The following TTC7B variants were observed in gnomAD, a reference collection of about 807,000 sequenced individuals.
The protein encoded by TTC7B is tetratricopeptide repeat protein 7B.
A neutral mutation model predicts 106.8 loss-of-function variants in TTC7B; 28 were observed. The observed-to-expected ratio is 0.26, with a 90% CI of 0.19 to 0.36. TTC7B has a LOEUF of 0.36. Among genes scored for constraint, TTC7B ranks in the 10% least tolerant of loss-of-function variants. TTC7B has a pLI of 1.00. For synonymous variants in TTC7B, 405 were observed against 430.6 expected, an observed-to-expected ratio of 0.94 and a Z score of 0.74; for missense variants, 862 against 1,076.4, an observed-to-expected ratio of 0.80 and a Z score of 2.79.
chr14:90,693,102 G>T (rs1486340657), intron 6 of TTC7B, among the ~76,000 whole-genome samples: 1 of 152,124 alleles, frequency 6.6e-6, no homozygotes, highest in Middle Eastern at 3.4e-3. Context: ...ATCTCCTACA[G>T]CATTTAAAGG....
intron 17 of TTC7B, among the ~76,000 whole-genome samples, chr14:90,601,487 G>A (rs973257345): frequency 4.6e-5 from 7 of 151,998 alleles, no homozygotes; most frequent in African/African-American, 9.7e-5. Flanking sequence ...CTCTTCTCCC[G>A]GTGAATTACT....
At chr14:90,797,649 T>C (rs2029964901) in intron 1 of TTC7B, among the ~76,000 whole-genome samples, 1 of 151,996 alleles carries the variant, frequency 6.6e-6, no homozygotes, top group African/African-American at 2.4e-5. Context: ...CAGGGGGCAA[T>C]GTAGCAATTT....
rs1347875873 is a variant in TTC7B, at chr14:90,603,190, G to A, written c.1966+7552C>T. 11 of 1,097,286 alleles carry A rather than the reference G, an allele frequency of 1.0e-5. No homozygotes were observed. The East Asian group carries it at 1.8e-4, about 18-fold the overall frequency. 68.0% of individuals were successfully genotyped at this position (1,097,286 alleles called of 1,614,324 possible). ...ACTCAACAACCACAATGCACATTCC[G>A]TGGTGGGGGGAGTGTGATTCTGGAG... On this transcript the variant is annotated intron_variant, in intron 17 of 19. Transcript: ENST00000328459.
At position 90,525,508 on chromosome 14, in the gene TTC7B, G is replaced by C. The variant is rs1030016846; in HGVS notation, c.*15860C>G. 1 of 146,582 alleles carries C rather than the reference G, an allele frequency of 6.8e-6. No homozygotes were observed. The highest frequency in any genetic ancestry group is 1.5e-5 in the Non-Finnish European group (1 of 66,008). The allele number at this position is 146,582 out of a possible 1,614,324, so 9.1% of individuals were successfully genotyped here. On this transcript the variant is annotated 3_prime_UTR_variant, in exon 20 of 20. Transcript: ENST00000328459. ...CCGCTTTCGCCCTGCGGCCCGGCTC[G>C]GTAGCCTGATCAGTCGCGTTCCCGG...
Position 90,597,295 on chromosome 14 carries a change from G to A in TTC7B, c.1967-3669C>T, listed in dbSNP as rs138745453. 8.1e-4 allele frequency among the ~76,000 whole-genome samples: 123 copies of A among 152,216 alleles called. 1 individual carries two copies. The highest frequency in any genetic ancestry group is 2.8e-3 in the African/African-American group (115 of 41,528). ...ACACAACAAATAAAAGTCTTCCATT[G>A]AATTAGTATTGGAAGGAGGGGGAAG... On this transcript the variant is annotated intron_variant, in intron 17 of 19. Transcript: ENST00000328459.
At chr14:90,760,935 C>T (rs1404138528) in intron 3 of TTC7B, among the ~76,000 whole-genome samples, 1 of 152,232 alleles carries the variant, frequency 6.6e-6, no homozygotes, top group Non-Finnish European at 1.5e-5. Flanking sequence ...CCATGTTCAA[C>T]CAATCCAGTA....
intron 3 of TTC7B, among the ~76,000 whole-genome samples, chr14:90,767,603 A>G (rs964568390): frequency 1.8e-4 from 28 of 152,156 alleles, no homozygotes; most frequent in African/African-American, 6.3e-4. Flanking sequence ...AGATGCTAGA[A>G]CCTTCATATT....
In TTC7B at chr14:90,533,127, C is replaced by G. The variant is rs756552605; in HGVS notation, c.*8241G>C. The G allele has an allele frequency of 1.3e-5, 2 of 152,452 alleles. No individual in the cohort carries two copies. The highest frequency in any genetic ancestry group is 4.8e-5 in the African/African-American group (2 of 41,440). 9.4% of individuals were successfully genotyped at this position (152,452 alleles called of 1,614,324 possible). On this transcript the variant is annotated 3_prime_UTR_variant, in exon 20 of 20. Coordinates refer to ENST00000328459, the MANE Select transcript of TTC7B (RefSeq NM_001010854.2). ...AGGTGGCCAGGTCCCGATGCAGGCT[C>G]CAGCCCAGCAGGCCCACAACCCGAG...
intron 4 of TTC7B, among the ~76,000 whole-genome samples, chr14:90,731,015 A>G (rs1889304292): frequency 6.6e-6 from 1 of 152,040 alleles, no homozygotes. Flanking sequence ...GCACAATCTC[A>G]GCTCACTGCA....
At chr14:90,774,282 A>C (rs1464079472) in intron 3 of TTC7B, among the ~76,000 whole-genome samples, 1 of 152,202 alleles carries the variant, frequency 6.6e-6, no homozygotes, top group African/African-American at 2.4e-5. Flanking sequence ...GAGAGGAAGA[A>C]TCCATGTCTT....
chr14:90,594,379 AGT>A (rs1287512643), intron 17 of TTC7B, among the ~76,000 whole-genome samples: 4 of 151,984 alleles, frequency 2.6e-5, no homozygotes, highest in African/African-American at 9.7e-5. Context: ...GGGTTGGGGG[AGT>A]GCACAAGTCA....
chr14:90,593,831 A>C (rs1222958167), intron 17 of TTC7B: 10 of 460,422 alleles, frequency 2.2e-5, no homozygotes, highest in Non-Finnish European at 3.4e-5. Context: ...TTTTGTCAAC[A>C]AACAGAGCAC....
At chr14:90,667,268 A>G (rs569039573) in intron 9 of TTC7B, among the ~76,000 whole-genome samples, 8 of 152,272 alleles carry the variant, frequency 5.3e-5, no homozygotes, top group South Asian at 2.1e-4. Context: ...TCTTTTGGAG[A>G]TCCTTTAAGG....
At chr14:90,724,066 AC>A (rs747487847) in intron 5 of TTC7B, among the ~76,000 whole-genome samples, 1 of 152,172 alleles carries the variant, frequency 6.6e-6, no homozygotes, top group Non-Finnish European at 1.5e-5. Context: ...TCCACACTCT[AC>A]CAACCACTGG....
At position 90,644,271 on chromosome 14, in the gene TTC7B, ACACACACACG is replaced by A. The variant is rs774371261; in HGVS notation, c.1591-73_1591-64del. Reference sequence around the variant, plus strand: ...CACATGCACACGCACACACACACACACACACACACGCGCGAAAGAAGCCATCTTTTCAATG... The same window carrying A: ...CACATGCACACGCACACACACACACACGCGAAAGAAGCCATCTTTTCAATG... On this transcript the variant is annotated intron_variant, in intron 14 of 19. Coordinates refer to ENST00000328459, the MANE Select transcript of TTC7B (RefSeq NM_001010854.2). The A allele has an allele frequency of 3.4e-3, 4,507 of 1,320,932 alleles. 13 individuals carry two copies. Among genetic ancestry groups the A allele is most frequent in the Admixed American group, 6.2e-3 (222 of 35,902 alleles). 81.8% of individuals were successfully genotyped at this position (1,320,932 alleles called of 1,614,324 possible).
intron 17 of TTC7B, among the ~76,000 whole-genome samples, chr14:90,609,488 C>T (rs1160279734): frequency 6.6e-6 from 1 of 152,180 alleles, no homozygotes; most frequent in Non-Finnish European, 1.5e-5. Context: ...AGGCCCTATC[C>T]CTTTTAGCCC....
intron 1 of TTC7B, among the ~76,000 whole-genome samples, chr14:90,795,133 G>T (rs981303713): frequency 6.6e-6 from 1 of 151,906 alleles, no homozygotes; most frequent in Non-Finnish European, 1.5e-5. Context: ...TATAAAACAA[G>T]ATCAAAACAT....
At chr14:90,622,603 AC>A (rs1884256507) in intron 15 of TTC7B, among the ~76,000 whole-genome samples, 1 of 151,866 alleles carries the variant, frequency 6.6e-6, no homozygotes, top group Admixed American at 6.6e-5. Flanking sequence ...GGTAGCGTGC[AC>A]CTGTAATCCC....
chr14:90,574,782 C>T (rs1397344304), intron 19 of TTC7B, among the ~76,000 whole-genome samples: 2 of 152,188 alleles, frequency 1.3e-5, no homozygotes, highest in Non-Finnish European at 1.5e-5. Context: ...TTCCTTCTCC[C>T]TAACAGCCCC....
Sources: allele counts gnomAD v4.1 joint callset (sites outside exome capture counted in the v4.1 genomes callset), GRCh38; gene constraint gnomAD v4.1.1; transcripts MANE v1.5; gene names NCBI Gene and HGNC (gene_info 2026-07-23, HGNC 2026-07-21).